SCAPER: variants seen among roughly 807,000 people sequenced by gnomAD.
SCAPER encodes the protein S-phase cyclin A associated protein in the ER, also known as S phase cyclin A-associated protein in the endoplasmic reticulum.
SCAPER carries 98 observed loss-of-function variants against 182.2 expected under a neutral mutation model. The observed-to-expected ratio is 0.54, with a 90% CI of 0.46 to 0.64. The LOEUF (loss-of-function observed/expected upper bound fraction) is 0.64. Among genes scored for constraint, SCAPER ranks in the 30% least tolerant of loss-of-function variants. SCAPER has a pLI of 0.00. For synonymous variants in SCAPER, 605 were observed against 564.6 expected (o/e 1.07, Z -1.01); for missense variants, 1,432 against 1,690.0 (o/e 0.85, Z 2.68).
intron 25 of SCAPER, among the ~76,000 whole-genome samples, chr15:76,461,774 C>T (rs2049198928): frequency 1.3e-5 from 2 of 152,122 alleles, no homozygotes; most frequent in Admixed American, 6.6e-5. Context: ...TCTTCTTTCT[C>T]TTTATGTCAA....
At chr15:76,653,949 A>C (rs2146587488) in intron 21 of SCAPER, among the ~76,000 whole-genome samples, 1 of 152,370 alleles carries the variant, frequency 6.6e-6, no homozygotes, top group South Asian at 2.1e-4. Flanking sequence ...AGATATTCAG[A>C]AACTATGCAT....
chr15:76,713,742 C>T (rs970286213), intron 17 of SCAPER, among the ~76,000 whole-genome samples: 1 of 151,870 alleles, frequency 6.6e-6, no homozygotes, highest in African/African-American at 2.4e-5. Context: ...AACTAACCTG[C>T]ACATTGTGCA....
chr15:76,813,354 T>C (rs2066821315), intron 5 of SCAPER, among the ~76,000 whole-genome samples: 1 of 148,930 alleles, frequency 6.7e-6, no homozygotes, highest in Non-Finnish European at 1.5e-5. Context: ...GTGATCAATA[T>C]CAACATAATA....
intron 8 of SCAPER, among the ~76,000 whole-genome samples, chr15:76,776,068 G>A (rs142090136): frequency 4.5e-4 from 69 of 152,248 alleles, no homozygotes; most frequent in African/African-American, 1.4e-3. Context: ...AAGACTCTGA[G>A]AGATAGACTA....
Position 76,875,925 on chromosome 15 carries a change from G to T in SCAPER, c.6+7887C>A, listed in dbSNP as rs560592935. Reference sequence around the variant, plus strand: ...GGCCGCGCAGGACCCCACGGTGGGGGGCGGGGTCAGGCTCAGGCATGGCGG... The same window carrying T: ...GGCCGCGCAGGACCCCACGGTGGGGTGCGGGGTCAGGCTCAGGCATGGCGG... On this transcript the variant is annotated intron_variant, in intron 2 of 31. Coordinates refer to ENST00000563290, the MANE Select transcript of SCAPER (RefSeq NM_020843.4). Among the ~76,000 whole-genome samples, 3 of 151,884 alleles carry T rather than the reference G, an allele frequency of 2.0e-5. No homozygotes were observed. The East Asian group carries it at 5.9e-4, about 30-fold the overall frequency.
chr15:76,404,588 A>G lies in SCAPER; in HGVS notation c.3403T>C (p.Phe1135Leu). 6.2e-7 allele frequency: 1 copy of G among 1,613,732 alleles called. No homozygotes were observed. Among genetic ancestry groups the G allele is most frequent in the Non-Finnish European group, 8.5e-7 (1 of 1,179,824 alleles). ...PVDENPKMAI[F>L]LQHAAGLLHA... ...AAGAGTCCTGCGGCATGCTGCAGAAATATGGCCATCTTGGGATTCTCATCC... is the reference window on the plus strand; with the variant it reads ...AAGAGTCCTGCGGCATGCTGCAGAAGTATGGCCATCTTGGGATTCTCATCC... The change falls in exon 27 of 32, where the codon TTT becomes CTT. Residue 1135 changes from phenylalanine to leucine, a missense_variant. Around this residue, in one of 5 missense-constraint regions of SCAPER, gnomAD observed 718 missense variants for 799.7 expected, o/e 0.90. Transcript: ENST00000563290.
intron 1 of SCAPER, among the ~76,000 whole-genome samples, chr15:76,902,073 T>G (rs1355351253): frequency 6.6e-6 from 1 of 152,198 alleles, no homozygotes; most frequent in Non-Finnish European, 1.5e-5. Context: ...TTTCACTCTT[T>G]ATATTTCACA....
intron 23 of SCAPER, among the ~76,000 whole-genome samples, chr15:76,528,011 T>G (rs914203464): frequency 6.6e-6 from 1 of 152,196 alleles, no homozygotes; most frequent in African/African-American, 2.4e-5. Context: ...CTTTGGAGGC[T>G]CTTCTCTTTT....
At chr15:76,537,706 A>C (rs886434067) in intron 23 of SCAPER, among the ~76,000 whole-genome samples, 1 of 152,220 alleles carries the variant, frequency 6.6e-6, no homozygotes, top group Non-Finnish European at 1.5e-5. Flanking sequence ...ACGAAAGCCA[A>C]AATTGACAAA....
intron 22 of SCAPER, among the ~76,000 whole-genome samples, chr15:76,607,208 C>T (rs1280304065): frequency 6.6e-6 from 1 of 152,162 alleles, no homozygotes; most frequent in Non-Finnish European, 1.5e-5. Context: ...TTAGGGCAGG[C>T]CTGGTGGTGA....
At chr15:76,370,510 G>A (rs1240128943) in intron 29 of SCAPER, among the ~76,000 whole-genome samples, 1 of 151,892 alleles carries the variant, frequency 6.6e-6, no homozygotes, top group East Asian at 1.9e-4. Flanking sequence ...TTGCCATGTT[G>A]GTCAGGCTGA....
intron 1 of SCAPER, among the ~76,000 whole-genome samples, chr15:76,887,067 A>C (rs1913001): frequency 0.86 from 131,507 of 152,098 alleles, 56,901 homozygotes; most frequent in Middle Eastern, 0.91. Flanking sequence ...TTGAATACTT[A>C]GGTAATGAAA....
intron 23 of SCAPER, among the ~76,000 whole-genome samples, chr15:76,542,721 T>C (rs963605383): frequency 1.3e-5 from 2 of 152,016 alleles, no homozygotes; most frequent in Non-Finnish European, 2.9e-5. Flanking sequence ...TTTTTACTCT[T>C]TATATAAGTC....
chr15:76,816,870 T>C (rs2067128972), intron 5 of SCAPER, among the ~76,000 whole-genome samples: 1 of 152,160 alleles, frequency 6.6e-6, no homozygotes, highest in South Asian at 2.1e-4. Flanking sequence ...GCCAGGATGG[T>C]CTCGATCTCC....
chr15:76,399,119 C>T (rs2044279696), intron 27 of SCAPER, among the ~76,000 whole-genome samples: 1 of 152,108 alleles, frequency 6.6e-6, no homozygotes, highest in African/African-American at 2.4e-5. Flanking sequence ...AAACTGTTAA[C>T]AGTAAAGGCC....
At chr15:76,706,604 A>G (rs549416988) in intron 17 of SCAPER, among the ~76,000 whole-genome samples, 7 of 152,152 alleles carry the variant, frequency 4.6e-5, no homozygotes, top group Non-Finnish European at 8.8e-5. Context: ...AGGTGAAGAG[A>G]TTACTCCCTA....
chr15:76,510,888 T>TGTGTGTGTGTGTGCGCGC (rs1491205462), intron 23 of SCAPER, among the ~76,000 whole-genome samples: 12 of 141,206 alleles, frequency 8.5e-5, no homozygotes, highest in African/African-American at 3.1e-4. Flanking sequence ...TGTGTGTGTG[T>TGTGTGTGTGTGTGCGCGC]GCGCGCGCGC....
intron 15 of SCAPER, among the ~76,000 whole-genome samples, chr15:76,751,730 A>C (rs1391351391): frequency 1.3e-5 from 2 of 151,750 alleles, no homozygotes; most frequent in East Asian, 3.9e-4. Flanking sequence ...AATTAACTCG[A>C]AATGGATCAA....
At chr15:76,758,686 ACT>A (rs1188506810) in intron 14 of SCAPER, among the ~76,000 whole-genome samples, 4 of 152,186 alleles carry the variant, frequency 2.6e-5, no homozygotes, top group East Asian at 3.9e-4. Context: ...CTGTATGGAC[ACT>A]CTAAAAATAT....
Sources: gnomAD v4.1 joint callset for allele counts (sites outside exome capture counted in the v4.1 genomes callset) on GRCh38, gnomAD v4.1.1 for gene constraint, gnomAD v4.1.1 regional missense constraint, MANE v1.5 for transcripts, NCBI Gene and HGNC (gene_info 2026-07-23, HGNC 2026-07-21) for gene names.